TIAM1: variants seen among roughly 807,000 people sequenced by gnomAD.
TIAM1 encodes the protein rho guanine nucleotide exchange factor TIAM1.
A neutral mutation model predicts 163.5 loss-of-function variants in TIAM1; 65 were observed. The observed-to-expected ratio is 0.40, with a 90% confidence interval of 0.33 to 0.49. The LOEUF is 0.49. TIAM1 is among the 20% of genes least tolerant of loss of function. The pLI is 0.77. For synonymous variants in TIAM1, 833 were observed against 810.1 expected, an observed-to-expected ratio of 1.03 and a Z score of -0.48; for missense variants, 1,789 against 2,044.7, an observed-to-expected ratio of 0.87 and a Z score of 2.41.
intron 2 of TIAM1, among the ~76,000 whole-genome samples, chr21:31,299,367 C>T (rs1236711403): frequency 6.6e-6 from 1 of 152,212 alleles, no homozygotes; most frequent in East Asian, 1.9e-4. Context: ...AAGGCATTAA[C>T]TGCTGACACT....
intron 13 of TIAM1, among the ~76,000 whole-genome samples, chr21:31,194,576 C>T (rs914089940): frequency 1.3e-5 from 2 of 152,004 alleles, no homozygotes; most frequent in Non-Finnish European, 2.9e-5. Context: ...GCATTATGCC[C>T]GAAAGGCCAG....
At chr21:31,153,636 A>G (rs1045205412) in intron 17 of TIAM1, among the ~76,000 whole-genome samples, 44 of 152,196 alleles carry the variant, frequency 2.9e-4, no homozygotes, top group African/African-American at 4.8e-5. Context: ...GCTAGATTCT[A>G]ATTAGATTAT....
intron 2 of TIAM1, among the ~76,000 whole-genome samples, chr21:31,383,842 T>C (rs539676714): frequency 6.6e-6 from 1 of 152,306 alleles, no homozygotes; most frequent in South Asian, 2.1e-4. Flanking sequence ...TTTGCTGTGA[T>C]TTTCCACTTT....
chr21:31,417,822 G>T (rs1292064373), intron 2 of TIAM1, among the ~76,000 whole-genome samples: 1 of 152,130 alleles, frequency 6.6e-6, no homozygotes, highest in African/African-American at 2.4e-5. Context: ...CCTGAAGGGG[G>T]TACATTATGT....
chr21:31,539,360 G>A (rs923228810), intron 1 of TIAM1, among the ~76,000 whole-genome samples: 5 of 150,654 alleles, frequency 3.3e-5, no homozygotes, highest in Non-Finnish European at 5.9e-5. Context: ...CCACCTCCCG[G>A]GTTCACGCCA....
At chr21:31,194,900 T>G (rs906530155) in intron 13 of TIAM1, among the ~76,000 whole-genome samples, 6 of 152,198 alleles carry the variant, frequency 3.9e-5, no homozygotes, top group Non-Finnish European at 7.3e-5. Context: ...ATCCCATGCA[T>G]GAATCACAAA....
At chr21:31,530,756 T>C (rs2047943785) in intron 1 of TIAM1, among the ~76,000 whole-genome samples, 3 of 152,128 alleles carry the variant, frequency 2.0e-5, no homozygotes, top group Non-Finnish European at 4.4e-5. Context: ...CCCGGACCCC[T>C]GGCCTGGAAA....
chr21:31,379,644 T>C (rs1053009835), intron 2 of TIAM1, among the ~76,000 whole-genome samples: 3 of 151,546 alleles, frequency 2.0e-5, no homozygotes, highest in Admixed American at 2.0e-4. Context: ...AATTAATGAG[T>C]GGATAAATAA....
intron 2 of TIAM1, among the ~76,000 whole-genome samples, chr21:31,306,765 C>T (rs553085299): frequency 1.3e-5 from 2 of 152,326 alleles, no homozygotes; most frequent in African/African-American, 4.8e-5. Flanking sequence ...TGCAACTGTT[C>T]CTGACTGAAG....
intron 15 of TIAM1, among the ~76,000 whole-genome samples, chr21:31,171,640 C>G (rs2084518908): frequency 6.6e-6 from 1 of 152,170 alleles, no homozygotes; most frequent in Admixed American, 6.5e-5. Flanking sequence ...TGTAGCAGAT[C>G]ATTTGCAAAG....
At chr21:31,422,107 C>T (rs1231430585) in intron 2 of TIAM1, among the ~76,000 whole-genome samples, 1 of 152,180 alleles carries the variant, frequency 6.6e-6, no homozygotes, top group African/African-American at 2.4e-5. Flanking sequence ...TTCCAGAGAA[C>T]TGCGAGAGAA....
rs200252870 is a variant in TIAM1, at chr21:31,394,708, G to T, written c.-368-55286C>A. 5.7e-3 allele frequency among the ~76,000 whole-genome samples: 601 copies of T among 105,152 alleles called. 7 individuals are homozygous for T. The highest frequency in any genetic ancestry group is 0.011 in the African/African-American group (268 of 25,210). 69.0% of individuals were successfully genotyped at this position (105,152 alleles called of 152,430 possible). Reference sequence around the variant, plus strand: ...CTCATTCTCTCTCTCTCTCTCTCTCGCTCTCTCTCTCTCTCTCTCTCACAC... The same window carrying T: ...CTCATTCTCTCTCTCTCTCTCTCTCTCTCTCTCTCTCTCTCTCTCTCACAC... On this transcript the variant is annotated intron_variant, in intron 2 of 28. Transcript: ENST00000286827.
intron 4 of TIAM1, among the ~76,000 whole-genome samples, chr21:31,255,355 T>C (rs575148458): frequency 1.3e-5 from 2 of 152,280 alleles, no homozygotes; most frequent in East Asian, 3.9e-4. Flanking sequence ...CCTTATTCAG[T>C]CATGAAACTT....
At chr21:31,168,428 T>C (rs1178303882) in intron 15 of TIAM1, among the ~76,000 whole-genome samples, 1 of 151,196 alleles carries the variant, frequency 6.6e-6, no homozygotes, top group African/African-American at 2.4e-5. Flanking sequence ...TGAGATGGAG[T>C]CTCGCTCTGT....
At chr21:31,460,982 A>G (rs142461283) in intron 2 of TIAM1, among the ~76,000 whole-genome samples, 1 of 152,350 alleles carries the variant, frequency 6.6e-6, no homozygotes, top group African/African-American at 2.4e-5. Context: ...GGAAAAATGA[A>G]TAACTTAGAT....
chr21:31,145,795 C>T (rs1229679794), intron 20 of TIAM1, among the ~76,000 whole-genome samples: 1 of 152,168 alleles, frequency 6.6e-6, no homozygotes, highest in Non-Finnish European at 1.5e-5. Context: ...GGTAAGTCCT[C>T]ACTTAATGTA....
chr21:31,507,487 G>A (rs2047072928), intron 1 of TIAM1, among the ~76,000 whole-genome samples: 2 of 151,906 alleles, frequency 1.3e-5, no homozygotes, highest in South Asian at 2.1e-4. Context: ...GATTACAGGT[G>A]TGAGCCTGTA....
In TIAM1 at chr21:31,369,225, C is replaced by CAAAAAAAAA. The variant is rs67890846; in HGVS notation, c.-368-29812_-368-29804dup. On this transcript the variant is annotated intron_variant, in intron 2 of 28. Coordinates refer to the TIAM1 transcript ENST00000286827. ...TGGGTGACAGAGCGAGAATCCATCT[C>CAAAAAAAAA]AAAAAAAAAGAAAGAAAGAAAGAAA... 3.1e-4 allele frequency among the ~76,000 whole-genome samples: 37 copies of CAAAAAAAAA among 121,006 alleles called. 1 individual carries two copies. The highest frequency in any genetic ancestry group is 1.9e-3 in the East Asian group (7 of 3,606). 79.4% of individuals were successfully genotyped at this position (121,006 alleles called of 152,430 possible).
chr21:31,222,676 C>CATATATATATATATAT (rs146567405), intron 8 of TIAM1, among the ~76,000 whole-genome samples: 8 of 48,252 alleles, frequency 1.7e-4, no homozygotes, highest in African/African-American at 5.2e-4. Flanking sequence ...TGTACACATA[C>CATATATATATATATAT]ATATATATAT....
Sources: gnomAD v4.1 joint callset for allele counts (sites outside exome capture counted in the v4.1 genomes callset) on GRCh38, gnomAD v4.1.1 for gene constraint, MANE v1.5 for transcripts, NCBI Gene and HGNC (gene_info 2026-07-23, HGNC 2026-07-21) for gene names.